The following GALNT7 variants were observed in gnomAD, a reference collection of about 807,000 sequenced individuals.
GALNT7 encodes N-acetylgalactosaminyltransferase 7.
Under a neutral mutation model 82.1 loss-of-function variants are expected in GALNT7, and 60 were observed. That is an observed-to-expected ratio of 0.73 (90% CI 0.59 to 0.91). GALNT7 has a LOEUF of 0.91. Among genes scored for constraint, GALNT7 ranks in the 40% least tolerant of loss-of-function variants. The pLI is 0.00. For synonymous variants in GALNT7, 243 were observed against 275.1 expected (o/e 0.88, Z 1.15); for missense variants, 660 against 804.2 (o/e 0.82, Z 2.17).
intron 2 of GALNT7, among the ~76,000 whole-genome samples, chr4:173,270,934 T>C (rs901666202): frequency 6.6e-6 from 1 of 152,228 alleles, no homozygotes; most frequent in Non-Finnish European, 1.5e-5. Context: ...CTAGAAGGAC[T>C]ATATATTAGA....
intron 1 of GALNT7, among the ~76,000 whole-genome samples, chr4:173,171,664 C>T (rs1264545124): frequency 6.6e-6 from 1 of 152,190 alleles, no homozygotes; most frequent in Non-Finnish European, 1.5e-5. Context: ...TGCCCTTTCT[C>T]TGAAGTGAAT....
chr4:173,194,060 CTT>C (rs1454556675), intron 1 of GALNT7, among the ~76,000 whole-genome samples: 2 of 152,180 alleles, frequency 1.3e-5, no homozygotes, highest in African/African-American at 2.4e-5. Context: ...GATTTAAAGT[CTT>C]TTTGATAGTC....
At chr4:173,310,425 A>G (rs1261392142) in intron 8 of GALNT7, among the ~76,000 whole-genome samples, 1 of 152,094 alleles carries the variant, frequency 6.6e-6, no homozygotes, top group Non-Finnish European at 1.5e-5. Context: ...TGAATAGTAA[A>G]TAGCCTCCTA....
chr4:173,277,886 G>A (rs1735972960), intron 2 of GALNT7, among the ~76,000 whole-genome samples: 1 of 152,166 alleles, frequency 6.6e-6, no homozygotes, highest in Admixed American at 6.5e-5. Flanking sequence ...TCTTAAGAGT[G>A]CACTAGATTT....
rs372897402 is a variant in GALNT7 at position 173,247,968 on chromosome 4, C to G, written c.127-12C>G. On this transcript the variant is annotated splice_polypyrimidine_tract_variant and intron_variant, in intron 1 of 11. Transcript: ENST00000265000. ...TCATGTACTCATTGTATATCCCCTC[C>G]CTTTTGTATAGGAAGACAGAGATGT... The G allele has an allele frequency of 1.3e-6, 2 of 1,572,792 alleles. No homozygotes were observed. Among genetic ancestry groups the G allele is most frequent in the South Asian group, 1.1e-5 (1 of 88,920 alleles).
At position 173,297,791 on chromosome 4, in the gene GALNT7, T is replaced by G. The variant is rs768806170; in HGVS notation, c.966-324T>G. 7.3e-5 allele frequency: 99 copies of G among 1,354,414 alleles called. 1 individual carries two copies. The highest frequency in any genetic ancestry group is 9.5e-6 in the Non-Finnish European group (10 of 1,047,708). The allele number at this position is 1,354,414 out of a possible 1,614,324, so 83.9% of individuals were successfully genotyped here. A position where few individuals can be genotyped will look rare whatever the true frequency, so the allele number is the denominator to read the frequency against. The stretch of plus-strand genomic sequence containing the variant: ...TGCTTTTTCATTTTCTGTAAATGTT[T>G]CAGAACTACATGTACTGTGCCTCTA... On this transcript the variant is annotated intron_variant, in intron 5 of 11. Coordinates refer to ENST00000265000, the MANE Select transcript of GALNT7 (RefSeq NM_017423.3).
chr4:173,206,903 G>A lies in GALNT7; in HGVS notation c.126+37942G>A, dbSNP rs115830555. Among the ~76,000 whole-genome samples the A allele has an allele frequency of 5.3e-3, 808 of 152,266 alleles. 9 individuals are homozygous for A. Among genetic ancestry groups the A allele is most frequent in the African/African-American group, 0.018 (767 of 41,554 alleles). ...CTACCCCTGGCTACAATTGTCTACC[G>A]TTGCCAGGCCTTTGGAAACTGCTGC... On this transcript the variant is annotated intron_variant, in intron 1 of 11. Transcript: ENST00000265000.
At chr4:173,214,605 A>G (rs1486383733) in intron 1 of GALNT7, among the ~76,000 whole-genome samples, 1 of 152,188 alleles carries the variant, frequency 6.6e-6, no homozygotes, top group East Asian at 1.9e-4. Context: ...GAGCCATGGG[A>G]ACAGTGAAGT....
At chr4:173,274,783 A>G (rs771565668) in intron 2 of GALNT7, among the ~76,000 whole-genome samples, 1 of 152,178 alleles carries the variant, frequency 6.6e-6, no homozygotes, top group Non-Finnish European at 1.5e-5. Flanking sequence ...CTTAAATACT[A>G]TCTACTCTGC....
At chr4:173,240,357 ATTTTTTTTTTTTTT>A (rs869162691) in intron 1 of GALNT7, among the ~76,000 whole-genome samples, 4 of 104,142 alleles carry the variant, frequency 3.8e-5, no homozygotes, top group Admixed American at 2.2e-4. Flanking sequence ...ACACTGGCTA[ATTTTTTTTTTTTTT>A]TTTTTTTTTT....
chr4:173,302,216 TG>T lies in GALNT7; in HGVS notation c.1266+54del, dbSNP rs1433572288. ...TTCTCCAAGTCGTTACTAACTTCTG[TG>T]GCTTTCAGATAAAGCTAGTTTTTTG... On this transcript the variant is annotated intron_variant, in intron 7 of 11. Transcript: ENST00000265000. The surrounding 1 kb of genome is among the most constrained non-coding windows in gnomAD (Gnocchi z 4.2). 6 of 845,742 alleles carry T rather than the reference TG, an allele frequency of 7.1e-6. No individual in the cohort carries two copies. Among genetic ancestry groups the T allele is most frequent in the African/African-American group, 6.7e-5 (4 of 59,398 alleles). The allele number at this position is 845,742 out of a possible 1,614,324, so 52.4% of individuals were successfully genotyped here.
At chr4:173,189,374 G>A (rs1383445621) in intron 1 of GALNT7, among the ~76,000 whole-genome samples, 1 of 152,188 alleles carries the variant, frequency 6.6e-6, no homozygotes, top group Non-Finnish European at 1.5e-5. Flanking sequence ...GTGGTTCCTT[G>A]ACTCCAGTTA....
chr4:173,277,255 CAT>C (rs1735945306), intron 2 of GALNT7, among the ~76,000 whole-genome samples: 2 of 152,276 alleles, frequency 1.3e-5, no homozygotes, highest in African/African-American at 4.8e-5. Flanking sequence ...ATGAGTATCT[CAT>C]AGAACCCAAG....
At chr4:173,205,217 T>C (rs1282108385) in intron 1 of GALNT7, among the ~76,000 whole-genome samples, 1 of 152,088 alleles carries the variant, frequency 6.6e-6, no homozygotes, top group Non-Finnish European at 1.5e-5. Context: ...GACCTGGTCC[T>C]GGGGTAGGTC....
intron 1 of GALNT7, among the ~76,000 whole-genome samples, chr4:173,241,167 T>C (rs116669316): frequency 0.012 from 1,778 of 148,684 alleles, 34 homozygotes; most frequent in African/African-American, 0.042. Context: ...TCCCAGTAGT[T>C]CAAGACCAGC....
intron 2 of GALNT7, among the ~76,000 whole-genome samples, chr4:173,254,682 A>G (rs1353928255): frequency 6.6e-6 from 1 of 152,244 alleles, no homozygotes; most frequent in East Asian, 1.9e-4. Context: ...GACCATCCAA[A>G]CTAATTGATG....
chr4:173,275,772 A>T (rs1179262352), intron 2 of GALNT7, among the ~76,000 whole-genome samples: 1 of 152,194 alleles, frequency 6.6e-6, no homozygotes, highest in Non-Finnish European at 1.5e-5. Context: ...GTCCCAGGAA[A>T]AGTTCAGATG....
chr4:173,262,771 T>G (rs1735325982), intron 2 of GALNT7, among the ~76,000 whole-genome samples: 1 of 152,202 alleles, frequency 6.6e-6, no homozygotes, highest in African/African-American at 2.4e-5. Flanking sequence ...CCCATCATAG[T>G]TGAATATCTA....
chr4:173,249,824 T>C (rs1233718370), intron 2 of GALNT7, among the ~76,000 whole-genome samples: 1 of 152,182 alleles, frequency 6.6e-6, no homozygotes, highest in Non-Finnish European at 1.5e-5. Context: ...GTTAAAGAGT[T>C]ACAGCTGCCA....
Sources: gnomAD v4.1 joint callset for allele counts (sites outside exome capture counted in the v4.1 genomes callset) on GRCh38, gnomAD v4.1.1 for gene constraint, Gnocchi (gnomAD v3.1) non-coding constraint, MANE v1.5 for transcripts, NCBI Gene and HGNC (gene_info 2026-07-23, HGNC 2026-07-21) for gene names.